CEP128: variants seen among roughly 807,000 people sequenced by gnomAD.
CEP128 encodes the protein centrosomal protein 128kDa.
CEP128 carries 132 observed loss-of-function variants against 156.7 expected under a neutral mutation model. The observed-to-expected ratio is 0.84, with a 90% confidence interval of 0.73 to 0.97. CEP128 has a LOEUF of 0.97. CEP128 is among the 50% of genes least tolerant of loss of function. The pLI, the probability that CEP128 is intolerant of heterozygous loss-of-function variation, is 0.00. For missense variants in CEP128, 1,252 were observed against 1,281.9 expected, an observed-to-expected ratio of 0.98 and a Z score of 0.36; for synonymous variants, 469 against 448.9, an observed-to-expected ratio of 1.04 and a Z score of -0.57.
intron 2 of CEP128, chr14:80,954,912 C>G (rs1886571909): frequency 6.5e-6 from 1 of 152,828 alleles, no homozygotes; most frequent in South Asian, 2.1e-4. Flanking sequence ...CCCGATTCTT[C>G]CCAGCAGATG....
intron 23 of CEP128, among the ~76,000 whole-genome samples, chr14:80,508,847 C>T (rs1416667766): frequency 1.3e-5 from 2 of 152,062 alleles, no homozygotes; most frequent in African/African-American, 2.4e-5. Context: ...ATACAGAGTG[C>T]AATAATCCTG....
At chr14:80,715,228 A>G (rs561042992) in intron 19 of CEP128, among the ~76,000 whole-genome samples, 1 of 152,064 alleles carries the variant, frequency 6.6e-6, no homozygotes. Flanking sequence ...GCCTCAGAAA[A>G]AAAAAAGGAA....
At chr14:80,956,557 A>G (rs943539452) in intron 2 of CEP128, among the ~76,000 whole-genome samples, 7 of 152,248 alleles carry the variant, frequency 4.6e-5, no homozygotes, top group African/African-American at 1.7e-4. Context: ...CTTAACAGCA[A>G]TTTAAATCAG....
At chr14:80,828,718 A>T (rs1315970094) in intron 13 of CEP128, among the ~76,000 whole-genome samples, 2 of 152,300 alleles carry the variant, frequency 1.3e-5, no homozygotes, top group Non-Finnish European at 2.9e-5. Flanking sequence ...ACAAGACCAC[A>T]TATGAGGTTC....
intron 16 of CEP128, among the ~76,000 whole-genome samples, chr14:80,763,613 T>C (rs914891101): frequency 6.6e-5 from 10 of 152,210 alleles, no homozygotes; most frequent in African/African-American, 2.4e-4. Flanking sequence ...TCCCATAGTA[T>C]ATTAGGTATA....
At chr14:80,774,421 C>T (rs2139752008) in intron 16 of CEP128, among the ~76,000 whole-genome samples, 1 of 152,298 alleles carries the variant, frequency 6.6e-6, no homozygotes, top group Non-Finnish European at 1.5e-5. Flanking sequence ...AGAGCTGTCC[C>T]TTCAACCCAT....
At chr14:80,593,738 T>C (rs1892189884) in intron 19 of CEP128, among the ~76,000 whole-genome samples, 1 of 151,962 alleles carries the variant, frequency 6.6e-6, no homozygotes, top group East Asian at 1.9e-4. Context: ...ACAAAGAGAA[T>C]AAAATATCTA....
intron 19 of CEP128, among the ~76,000 whole-genome samples, chr14:80,698,848 T>G (rs910561787): frequency 1.3e-5 from 2 of 152,200 alleles, no homozygotes; most frequent in African/African-American, 2.4e-5. Flanking sequence ...TTTTCTCTTT[T>G]GTAAAAATAA....
intron 13 of CEP128, among the ~76,000 whole-genome samples, chr14:80,821,714 C>T (rs1885195827): frequency 6.6e-6 from 1 of 151,658 alleles, no homozygotes; most frequent in Admixed American, 6.6e-5. Context: ...CTTGCTCTTC[C>T]ACCCAGACTG....
At chr14:80,557,040 C>T (rs1890465928) in intron 21 of CEP128, among the ~76,000 whole-genome samples, 1 of 152,132 alleles carries the variant, frequency 6.6e-6, no homozygotes, top group African/African-American at 2.4e-5. Context: ...TTGAAACTAT[C>T]AAAAAACTAC....
chr14:80,900,128 T>C (rs2139418887), intron 6 of CEP128, 99 bp from the exon 7 acceptor site: 2 of 710,220 alleles, frequency 2.8e-6, no homozygotes, highest in Non-Finnish European at 4.6e-6. Context: ...CTTGCAATAA[T>C]AACCAGATTC....
At position 80,756,830 on chromosome 14, in the gene CEP128, C is replaced by A. The variant is rs1054641689; in HGVS notation, c.2613+62G>T. On this transcript the variant is annotated intron_variant, in intron 18 of 24. Coordinates refer to ENST00000555265, the MANE Select transcript of CEP128 (RefSeq NM_152446.5). ...TACATAACAAAATAAATAGCTAAAC[C>A]AAATAGGATGGCTTAAAGATCATAA... 9.0e-6 allele frequency: 10 copies of A among 1,116,128 alleles called. No homozygotes were observed. In the African/African-American group the frequency reaches 1.3e-4, roughly 14 times the overall value. The allele number at this position is 1,116,128 out of a possible 1,614,324, so 69.1% of individuals were successfully genotyped here.
At chr14:80,615,767 T>C (rs1475163256) in intron 19 of CEP128, among the ~76,000 whole-genome samples, 1 of 152,134 alleles carries the variant, frequency 6.6e-6, no homozygotes, top group Non-Finnish European at 1.5e-5. Context: ...GAGAATCACT[T>C]GAACCCGGGA....
intron 19 of CEP128, among the ~76,000 whole-genome samples, chr14:80,660,854 C>A (rs1342157034): frequency 6.6e-6 from 1 of 152,108 alleles, no homozygotes; most frequent in African/African-American, 2.4e-5. Flanking sequence ...TACACATACA[C>A]CCTGAGACAT....
upstream of CEP128, among the ~76,000 whole-genome samples, chr14:80,944,024 T>C (rs1886267628): frequency 6.6e-6 from 1 of 150,396 alleles, no homozygotes; most frequent in Admixed American, 6.6e-5. Flanking sequence ...TGAAGTCACA[T>C]CACTGAATCT....
chr14:80,782,194 G>A (rs968624914), intron 15 of CEP128, among the ~76,000 whole-genome samples: 1 of 152,102 alleles, frequency 6.6e-6, no homozygotes, highest in African/African-American at 2.4e-5. Flanking sequence ...ACCAATTAAT[G>A]CCTTCACAAT....
intron 14 of CEP128, among the ~76,000 whole-genome samples, chr14:80,485,324 T>C (rs1887138340): frequency 6.6e-6 from 1 of 152,152 alleles, no homozygotes. Flanking sequence ...AATGGGAGGG[T>C]CTTGGCTCTC....
intron 19 of CEP128, among the ~76,000 whole-genome samples, chr14:80,644,746 T>C (rs2140811910): frequency 6.6e-6 from 1 of 152,284 alleles, no homozygotes; most frequent in Non-Finnish European, 1.5e-5. Context: ...TTAAGTTCAT[T>C]GGAAAGTAAA....
chr14:80,605,660 A>G (rs1416674533), intron 19 of CEP128, among the ~76,000 whole-genome samples: 1 of 152,090 alleles, frequency 6.6e-6, no homozygotes, highest in East Asian at 1.9e-4. Context: ...GAATATTTTC[A>G]TTTGTCAGAT....
Sources: allele counts gnomAD v4.1 joint callset (sites outside exome capture counted in the v4.1 genomes callset), GRCh38; gene constraint gnomAD v4.1.1; transcripts MANE v1.5; gene names NCBI Gene and HGNC (gene_info 2026-07-23, HGNC 2026-07-21).